GPD1L: variants seen among roughly 807,000 people sequenced by gnomAD.
GPD1L encodes the protein glycerol-3-phosphate dehydrogenase 1-like protein.
A neutral mutation model predicts 32.9 loss-of-function variants in GPD1L; 17 were observed. That is an observed-to-expected ratio of 0.52 (90% CI 0.35 to 0.78). GPD1L has a LOEUF of 0.78. Among genes scored for constraint, GPD1L ranks in the 30% least tolerant of loss-of-function variants. The pLI, the probability that GPD1L is intolerant of heterozygous loss-of-function variation, is 0.01. For synonymous variants in GPD1L, 187 were observed against 165.9 expected (o/e 1.13, Z -0.98); for missense variants, 361 against 447.8 (o/e 0.81, Z 1.75).
rs374519204 is a variant in GPD1L at position 32,165,806 on chromosome 3, C to T, written c.960-8C>T. On this transcript the variant is annotated splice_polypyrimidine_tract_variant and splice_region_variant and intron_variant, in intron 7 of 7. Coordinates refer to ENST00000282541, the MANE Select transcript of GPD1L (RefSeq NM_015141.4). ...TAACTTTGTCTTTTCACATTTCCTCCCAACTAGGTTTCCATTGTTTACTGC... is the reference window on the plus strand; with the variant it reads ...TAACTTTGTCTTTTCACATTTCCTCTCAACTAGGTTTCCATTGTTTACTGC... The T allele has an allele frequency of 2.6e-6, 4 of 1,510,874 alleles. No individual in the cohort carries two copies. The African/African-American group carries it at 5.5e-5, about 21-fold the overall frequency. 93.6% of individuals were successfully genotyped at this position (1,510,874 alleles called of 1,614,324 possible).
chr3:32,121,221 T>C (rs1273181617), intron 1 of GPD1L, among the ~76,000 whole-genome samples: 1 of 151,858 alleles, frequency 6.6e-6, no homozygotes, highest in Non-Finnish European at 1.5e-5. Context: ...TCTTGCACTG[T>C]CTCCTCTTCT....
At chr3:32,120,088 G>C (rs147197763) in intron 1 of GPD1L, among the ~76,000 whole-genome samples, 8,468 of 152,142 alleles carry the variant, frequency 0.056, 251 homozygotes, top group Middle Eastern at 0.1. Context: ...ACTTTGGGAG[G>C]CCGAGGCAGG....
chr3:32,125,661 T>C (rs1001928207), intron 1 of GPD1L, among the ~76,000 whole-genome samples: 2 of 152,214 alleles, frequency 1.3e-5, no homozygotes, highest in African/African-American at 4.8e-5. Flanking sequence ...GCTTCCACTT[T>C]CTTCCACCTC....
chr3:32,109,481 T>C (rs1284976304), intron 1 of GPD1L, among the ~76,000 whole-genome samples: 1 of 152,210 alleles, frequency 6.6e-6, no homozygotes, highest in African/African-American at 2.4e-5. Flanking sequence ...GGAGTAGAAC[T>C]TGGCCAGTGA....
chr3:32,166,388 C>G lies in GPD1L; in HGVS notation c.*478C>G, dbSNP rs1701147860. On this transcript the variant is annotated 3_prime_UTR_variant, in exon 8 of 8. Coordinates refer to ENST00000282541, the MANE Select transcript of GPD1L (RefSeq NM_015141.4). ...CATATTTAACTTTTAAACACTATCT[C>G]AAAGCCAGCATAATTAACTACTTTG... 5.5e-6 allele frequency: 1 copy of G among 180,622 alleles called. No individual in the cohort carries two copies. The highest frequency in any genetic ancestry group is 1.2e-5 in the Non-Finnish European group (1 of 85,144). The allele number at this position is 180,622 out of a possible 1,614,324, so 11.2% of individuals were successfully genotyped here. A position where few individuals can be genotyped will look rare whatever the true frequency, so the allele number is the denominator to read the frequency against.
At chr3:32,113,127 C>T (rs1482320775) in intron 1 of GPD1L, among the ~76,000 whole-genome samples, 1 of 150,248 alleles carries the variant, frequency 6.7e-6, no homozygotes, top group Non-Finnish European at 1.5e-5. Flanking sequence ...TAAAAATCAT[C>T]TCATTCAGTT....
intron 2 of GPD1L, among the ~76,000 whole-genome samples, chr3:32,133,611 C>T (rs527625797): frequency 6.6e-6 from 1 of 152,018 alleles, no homozygotes; most frequent in Non-Finnish European, 1.5e-5. Flanking sequence ...ATTTTTTCTT[C>T]AGATTTGATC....
chr3:32,124,055 A>G (rs1559571719), intron 1 of GPD1L, among the ~76,000 whole-genome samples: 1 of 151,446 alleles, frequency 6.6e-6, no homozygotes, highest in East Asian at 2.0e-4. Flanking sequence ...GGCCAGTCAC[A>G]TTTCTTTCTT....
At position 32,146,679 on chromosome 3, in the gene GPD1L, T is replaced by G; in HGVS notation, c.563T>G (p.Phe188Cys). The change falls in exon 5 of 8, where the codon TTT (phenylalanine) becomes TGT (cysteine). Residue 188 changes from phenylalanine to cysteine, a missense_variant. Phe to Cys is a radical substitution (Grantham distance 205). Transcript: ENST00000282541. ...AAAGAACTTCTGCAGACTCCAAATT[T>G]TCGAATTACCGTGGTTGATGATGCA... ...LFKELLQTPN[F>C]RITVVDDADT... is the part of the protein sequence containing the mutation. The G allele has an allele frequency of 6.2e-7, 1 of 1,613,876 alleles. No homozygotes were observed. The highest frequency in any genetic ancestry group is 8.5e-7 in the Non-Finnish European group (1 of 1,179,796).
At chr3:32,136,978 G>A (rs1700672352) in intron 2 of GPD1L, among the ~76,000 whole-genome samples, 1 of 152,182 alleles carries the variant, frequency 6.6e-6, no homozygotes, top group South Asian at 2.1e-4. Flanking sequence ...TAGCTGCAAG[G>A]ACTGCTGGGA....
At chr3:32,131,773 T>G (rs1217560368) in intron 2 of GPD1L, among the ~76,000 whole-genome samples, 1 of 152,218 alleles carries the variant, frequency 6.6e-6, no homozygotes, top group African/African-American at 2.4e-5. Flanking sequence ...CTTTTGTGTG[T>G]ATACCTAGGA....
rs751700398 is a variant in GPD1L, at chr3:32,138,721, C to T, written c.360C>T (p.Leu120=). Residue 120 remains leucine (L), a synonymous_variant, in exon 3 of 8, where the codon CTC becomes CTT. Transcript: ENST00000282541. ...RVPKKALGIT[L]IKGIDEGPEG... The stretch of plus-strand genomic sequence containing the variant: ...CCAAGAAAGCGCTGGGAATCACCCT[C>T]ATCAAGGTAACTCGAGTGCATGCTG... 3.7e-6 allele frequency: 6 copies of T among 1,613,916 alleles called. No individual in the cohort carries two copies. Among genetic ancestry groups the T allele is most frequent in the Non-Finnish European group, 5.1e-6 (6 of 1,179,940 alleles).
chr3:32,140,606 G>A (rs1397834091), intron 4 of GPD1L, among the ~76,000 whole-genome samples: 2 of 152,168 alleles, frequency 1.3e-5, no homozygotes, highest in Non-Finnish European at 2.9e-5. Context: ...CTGACTTGCT[G>A]TGATCCAATA....
At chr3:32,156,536 C>A (rs1700991909) in intron 5 of GPD1L, among the ~76,000 whole-genome samples, 1 of 152,226 alleles carries the variant, frequency 6.6e-6, no homozygotes, top group East Asian at 1.9e-4. Context: ...TTCCACATCA[C>A]CCCGTGGGAG....
At chr3:32,130,874 G>A (rs1353929456) in intron 2 of GPD1L, among the ~76,000 whole-genome samples, 1 of 152,106 alleles carries the variant, frequency 6.6e-6, no homozygotes, top group African/African-American at 2.4e-5. Context: ...TTAGCCGGGT[G>A]TAGTGGTGCA....
chr3:32,128,214 T>C lies in GPD1L; in HGVS notation c.186T>C (p.Asn62=). 3 of 1,613,734 alleles carry C rather than the reference T, an allele frequency of 1.9e-6. No individual in the cohort carries two copies. The highest frequency in any genetic ancestry group is 1.7e-6 in the Non-Finnish European group (2 of 1,179,804). The change falls in exon 2 of 8, where the codon AAT becomes AAC. Residue 62 remains asparagine, a synonymous_variant. Coordinates refer to ENST00000282541, the MANE Select transcript of GPD1L (RefSeq NM_015141.4). ...LTDIINNDHE[N]VKYLPGHKLP... ...ACATCATAAATAATGACCATGAAAA[T>C]GTAAAATATCTTCCTGGACACAAGC...
At chr3:32,164,881 C>T (rs138508634) in intron 7 of GPD1L, among the ~76,000 whole-genome samples, 13 of 146,066 alleles carry the variant, frequency 8.9e-5, no homozygotes, top group Admixed American at 4.0e-4. Flanking sequence ...TTGATTCTGC[C>T]AAGCTCACTT....
At chr3:32,137,079 A>G (rs963415283) in intron 2 of GPD1L, among the ~76,000 whole-genome samples, 5 of 152,278 alleles carry the variant, frequency 3.3e-5, no homozygotes, top group South Asian at 2.1e-4. Flanking sequence ...GGAGTTGGCA[A>G]TCTCCATCAC....
chr3:32,115,395 G>A (rs370064358), intron 1 of GPD1L, among the ~76,000 whole-genome samples: 1 of 152,202 alleles, frequency 6.6e-6, no homozygotes, highest in South Asian at 2.1e-4. Flanking sequence ...ACTTTAGCTA[G>A]GCAGAAAAGT....
Sources: allele counts gnomAD v4.1 joint callset (sites outside exome capture counted in the v4.1 genomes callset), GRCh38; gene constraint gnomAD v4.1.1; transcripts MANE v1.5; gene names NCBI Gene and HGNC (gene_info 2026-07-23, HGNC 2026-07-21).